Variants in PDE10A observed in about 807,000 individuals in gnomAD.
The protein encoded by PDE10A is cAMP and cAMP-inhibited cGMP 3',5'-cyclic phosphodiesterase 10A.
Under a neutral mutation model 97.7 loss-of-function variants are expected in PDE10A, and 39 were observed. The ratio of observed to expected loss-of-function variants is 0.40; its 90% CI spans 0.31 to 0.52. PDE10A has a LOEUF of 0.52. Among genes scored for constraint, PDE10A ranks in the 20% least tolerant of loss-of-function variants. PDE10A has a pLI of 0.56. For synonymous variants in PDE10A, 371 were observed against 376.8 expected (o/e 0.98, Z 0.18); for missense variants, 731 against 1,047.8 (o/e 0.70, Z 4.17).
intron 10 of PDE10A, among the ~76,000 whole-genome samples, chr6:165,419,257 A>C (rs1788530756): frequency 6.6e-6 from 1 of 152,202 alleles, no homozygotes; most frequent in Admixed American, 6.5e-5. Flanking sequence ...ATGAAATATA[A>C]CCTCTAAGGA....
intron 1 of PDE10A, among the ~76,000 whole-genome samples, chr6:165,695,761 A>G (rs1385909384): frequency 6.6e-6 from 1 of 152,184 alleles, no homozygotes; most frequent in Non-Finnish European, 1.5e-5. Flanking sequence ...AAGACAGCCT[A>G]GATGGTAGGC....
intron 1 of PDE10A, among the ~76,000 whole-genome samples, chr6:165,578,072 G>A (rs2128351720): frequency 6.6e-6 from 1 of 152,288 alleles, no homozygotes; most frequent in South Asian, 2.1e-4. Flanking sequence ...AGTACAAGCA[G>A]GAAGTTCCTG....
chr6:165,739,409 A>G (rs1283717820), intron 1 of PDE10A, among the ~76,000 whole-genome samples: 1 of 152,222 alleles, frequency 6.6e-6, no homozygotes, highest in African/African-American at 2.4e-5. Flanking sequence ...TCTTCAATAA[A>G]TGGTGTCAGG....
intron 1 of PDE10A, among the ~76,000 whole-genome samples, chr6:165,938,533 C>T (rs1035005829): frequency 3.3e-5 from 5 of 152,186 alleles, no homozygotes; most frequent in Admixed American, 1.3e-4. Context: ...ACCCTGTGCT[C>T]ACTGGACAAC....
chr6:165,366,356 C>T (rs1004634191), intron 18 of PDE10A, among the ~76,000 whole-genome samples: 4 of 151,902 alleles, frequency 2.6e-5, no homozygotes, highest in Non-Finnish European at 5.9e-5. Context: ...TACTATATAC[C>T]TTAAAAAGCC....
At chr6:165,459,951 A>T (rs973405547) in intron 3 of PDE10A, among the ~76,000 whole-genome samples, 1 of 152,194 alleles carries the variant, frequency 6.6e-6, no homozygotes, top group African/African-American at 2.4e-5. Context: ...TCCAAAATGT[A>T]AAAAAGGAAA....
intron 1 of PDE10A, chr6:165,781,332 A>G (rs1277655989): frequency 6.6e-6 from 1 of 152,200 alleles, no homozygotes; most frequent in African/African-American, 2.4e-5. Flanking sequence ...TGTTACGGCC[A>G]CACTGTACAG....
chr6:165,708,566 G>A (rs908128260), intron 1 of PDE10A, among the ~76,000 whole-genome samples: 9 of 151,402 alleles, frequency 5.9e-5, no homozygotes, highest in African/African-American at 1.7e-4. Context: ...CGCCTGCATC[G>A]TCCGTGCTCC....
intron 1 of PDE10A, among the ~76,000 whole-genome samples, chr6:165,935,983 A>C (rs1395787256): frequency 2.0e-5 from 3 of 152,258 alleles, no homozygotes; most frequent in Admixed American, 2.0e-4. Context: ...ACAGCAGCAC[A>C]AAACAAACTA....
Position 165,662,119 on chromosome 6 carries a change from G to A in PDE10A, c.693C>T (p.Pro231=). The change falls in exon 1 of 22, where the codon CCC becomes CCT. Residue 231 remains proline (P), a synonymous_variant. Transcript: ENST00000539869. Reference sequence around the variant, plus strand: ...CGCCTGGGCCGGCGCCGGGGAAGCCGGGGGAGCCCGCGCGGCGGGCGGCCT... The same window carrying A: ...CGCCTGGGCCGGCGCCGGGGAAGCCAGGGGAGCCCGCGCGGCGGGCGGCCT... The part of the protein sequence containing the change: ...LGQAARRAGS[P]GFPGAGPGGG... 1 of 976,796 alleles carries A rather than the reference G, an allele frequency of 1.0e-6. No homozygotes were observed. Among genetic ancestry groups the A allele is most frequent in the Middle Eastern group, 4.9e-4 (1 of 2,032 alleles). 60.5% of individuals were successfully genotyped at this position (976,796 alleles called of 1,614,324 possible). A position where few individuals can be genotyped will look rare whatever the true frequency, so the allele number is the denominator to read the frequency against.
chr6:165,399,793 T>C (rs1472637155), intron 13 of PDE10A, among the ~76,000 whole-genome samples: 1 of 152,220 alleles, frequency 6.6e-6, no homozygotes, highest in Non-Finnish European at 1.5e-5. Flanking sequence ...CCATGGTGTA[T>C]ATGTGCCACA....
intron 1 of PDE10A, among the ~76,000 whole-genome samples, chr6:165,951,051 CTCTAGAAG>C (rs1783941075): frequency 6.6e-6 from 1 of 152,176 alleles, no homozygotes; most frequent in South Asian, 2.1e-4. Context: ...CAACTTTAAG[CTCTAGAAG>C]TCAGTTTGTG....
chr6:165,760,568 A>C (rs999489533), intron 1 of PDE10A, among the ~76,000 whole-genome samples: 1 of 152,188 alleles, frequency 6.6e-6, no homozygotes, highest in East Asian at 1.9e-4. Context: ...GAATGGGTGA[A>C]TGAATAACTT....
chr6:165,487,174 T>C (rs979053707), intron 2 of PDE10A, among the ~76,000 whole-genome samples: 4 of 152,200 alleles, frequency 2.6e-5, no homozygotes, highest in Non-Finnish European at 5.9e-5. Flanking sequence ...CAAATCTCCA[T>C]ATGTTCTGGA....
intron 1 of PDE10A, among the ~76,000 whole-genome samples, chr6:165,969,880 G>C (rs1784618858): frequency 6.6e-6 from 1 of 152,142 alleles, no homozygotes; most frequent in Admixed American, 6.5e-5. Context: ...AATTGAAGAA[G>C]TTTGGAGAAA....
intron 18 of PDE10A, among the ~76,000 whole-genome samples, chr6:165,347,577 T>C (rs1475967917): frequency 1.3e-5 from 2 of 152,222 alleles, no homozygotes; most frequent in African/African-American, 4.8e-5. Context: ...AGGGAACTGC[T>C]GTTATTAAAG....
intron 1 of PDE10A, chr6:165,894,454 A>G: frequency 2.2e-6 from 1 of 456,000 alleles, no homozygotes; most frequent in Admixed American, 2.3e-5. Context: ...CCAAAAAATC[A>G]ATTGAACAAG....
In PDE10A at chr6:165,590,798, G is replaced by A. The variant is rs572454818; in HGVS notation, c.866-47230C>T. ...CCCAGCTACTCAGGAGGCTGAGGCAGGAGAATGGCATGAACCCGGGAGGCG... is the reference window on the plus strand; with the variant it reads ...CCCAGCTACTCAGGAGGCTGAGGCAAGAGAATGGCATGAACCCGGGAGGCG... On this transcript the variant is annotated intron_variant, in intron 1 of 21. Transcript: ENST00000539869. 1.9e-3 allele frequency among the ~76,000 whole-genome samples: 289 copies of A among 152,316 alleles called. 1 individual carries two copies. The highest frequency in any genetic ancestry group is 6.7e-3 in the African/African-American group (278 of 41,570).
chr6:165,382,352 TCAA>T (rs1456381821), intron 17 of PDE10A, among the ~76,000 whole-genome samples: 1 of 152,158 alleles, frequency 6.6e-6, no homozygotes, highest in African/African-American at 2.4e-5. Context: ...GAAAAAAATG[TCAA>T]CGATGCAACT....
Sources: allele counts gnomAD v4.1 joint callset (sites outside exome capture counted in the v4.1 genomes callset), GRCh38; gene constraint gnomAD v4.1.1; transcripts MANE v1.5; gene names NCBI Gene and HGNC (gene_info 2026-07-23, HGNC 2026-07-21).